Variants in PPP1R12C observed in about 807,000 individuals in gnomAD.
PPP1R12C encodes protein phosphatase 1 regulatory subunit 12C, also known as leukocyte receptor cluster (LRC) encoded novel gene 3.
A neutral mutation model predicts 95.6 loss-of-function variants in PPP1R12C; 48 were observed. That is an observed-to-expected ratio of 0.50 (90% CI 0.40 to 0.64). The LOEUF (loss-of-function observed/expected upper bound fraction) is 0.64. Among genes scored for constraint, PPP1R12C ranks in the 30% least tolerant of loss-of-function variants. The pLI is 0.00. For missense variants in PPP1R12C, 1,057 were observed against 1,083.3 expected (o/e 0.98, Z 0.34); for synonymous variants, 480 against 460.8 (o/e 1.04, Z -0.53).
intron 3 of PPP1R12C, among the ~76,000 whole-genome samples, chr19:55,106,208 C>T (rs2085036747): frequency 7.2e-6 from 1 of 138,818 alleles, no homozygotes; most frequent in Non-Finnish European, 1.5e-5. Flanking sequence ...AGTTTGCTGA[C>T]CCCTGCTTAG....
At chr19:55,096,236 A>C (rs2147184606) in intron 7 of PPP1R12C, 26 bp downstream of exon 7, 1 of 1,613,670 alleles carries the variant, frequency 6.2e-7, no homozygotes, top group African/African-American at 1.3e-5. Flanking sequence ...CCACCCCGCC[A>C]GCCCTGGACT....
intron 4 of PPP1R12C, among the ~76,000 whole-genome samples, chr19:55,099,561 G>A (rs2084959334): frequency 6.6e-6 from 1 of 152,212 alleles, no homozygotes; most frequent in Non-Finnish European, 1.5e-5. Flanking sequence ...CTGTCCCCCA[G>A]GGGAGACCCG....
Position 55,113,449 on chromosome 19 carries a change from G to A in PPP1R12C, c.322-654C>T, listed in dbSNP as rs534455039. On this transcript the variant is annotated intron_variant, in intron 1 of 21. Transcript: ENST00000263433. The stretch of plus-strand genomic sequence containing the variant: ...AGTTCACTGAGGCCCCCTCTGCACG[G>A]GGCCCTGCAGCCAGGGGCTGACACG... 4.7e-6 allele frequency: 7 copies of A among 1,489,682 alleles called. No homozygotes were observed. In the African/African-American group the frequency reaches 8.5e-5, roughly 18 times the overall value. The allele number at this position is 1,489,682 out of a possible 1,614,324, so 92.3% of individuals were successfully genotyped here. A position where few individuals can be genotyped will look rare whatever the true frequency, so the allele number is the denominator to read the frequency against.
chr19:55,113,346 T>G lies in PPP1R12C; in HGVS notation c.322-551A>C, dbSNP rs1000058284. On this transcript the variant is annotated intron_variant, in intron 1 of 21. Transcript: ENST00000263433. ...AAGGCCACCCTGTGCTGGGACAGAC[T>G]CAGGGGCCTGGGCGGGACTCCCAGA... The G allele has an allele frequency of 1.5e-5, 20 of 1,340,194 alleles. No individual in the cohort carries two copies. In the African/African-American group the frequency reaches 2.7e-4, roughly 18 times the overall value. 83.0% of individuals were successfully genotyped at this position (1,340,194 alleles called of 1,614,324 possible). A position where few individuals can be genotyped will look rare whatever the true frequency, so the allele number is the denominator to read the frequency against.
intron 3 of PPP1R12C, among the ~76,000 whole-genome samples, chr19:55,107,550 T>G (rs2085051373): frequency 6.6e-6 from 1 of 152,008 alleles, no homozygotes; most frequent in South Asian, 2.1e-4. Flanking sequence ...ATGTCCTTTG[T>G]AGGGACATGG....
Position 55,103,534 on chromosome 19 carries a change from C to T in PPP1R12C, c.606G>A (p.Glu202=), listed in dbSNP as rs1484295773. ...VDVEAAKRAE[E]ELLLHDTRCW... ...ACCTCGTGTCATGAAGGAGCAATTC[C>T]TCTTCTGCCCGCTTGGCTGCTTCCA... Residue 202 remains glutamate, a synonymous_variant, in exon 4 of 22, where the codon GAG becomes GAA. Coordinates refer to ENST00000263433, the MANE Select transcript of PPP1R12C (RefSeq NM_017607.4). The T allele has an allele frequency of 3.1e-6, 5 of 1,597,296 alleles. No individual in the cohort carries two copies. The highest frequency in any genetic ancestry group is 4.3e-6 in the Non-Finnish European group (5 of 1,168,352).
intron 4 of PPP1R12C, among the ~76,000 whole-genome samples, chr19:55,101,281 G>C (rs939353506): frequency 1.3e-5 from 2 of 152,136 alleles, no homozygotes; most frequent in Non-Finnish European, 2.9e-5. Flanking sequence ...GCAGTCAGTA[G>C]GTCTGAGTGT....
intron 1 of PPP1R12C, chr19:55,113,645 TA>T: frequency 8.1e-7 from 1 of 1,233,852 alleles, no homozygotes; most frequent in Non-Finnish European, 1.0e-6. Context: ...ATCCACGGGA[TA>T]AATTACCCCC....
intron 19 of PPP1R12C, 49 bp from the exon 20 acceptor site, chr19:55,091,958 G>T (rs749837037): frequency 6.2e-7 from 1 of 1,602,710 alleles, no homozygotes; most frequent in South Asian, 1.1e-5. Context: ...AGCCAGCACT[G>T]CTCTGAAGGG....
intron 3 of PPP1R12C, among the ~76,000 whole-genome samples, chr19:55,105,266 C>A (rs2085025722): frequency 6.6e-6 from 1 of 152,154 alleles, no homozygotes; most frequent in African/African-American, 2.4e-5. Context: ...CCTATTATAG[C>A]CGAATGGGTC....
Position 55,106,822 on chromosome 19 carries a change from CAT to C in PPP1R12C, c.572-3256_572-3255del, listed in dbSNP as rs373843256. On this transcript the variant is annotated intron_variant, in intron 3 of 21. Transcript: ENST00000263433. The stretch of plus-strand genomic sequence containing the variant: ...CCATAGCCTGGCTCCAGGGTGCGCA[CAT>C]CACCAGGCCTTCCTGTCACCTTTGC... Among the ~76,000 whole-genome samples the C allele has an allele frequency of 2.6e-4, 40 of 152,314 alleles. No individual in the cohort carries two copies. In the East Asian group the frequency reaches 6.4e-3, roughly 24 times the overall value.
intron 1 of PPP1R12C, chr19:55,113,072 G>A: frequency 1.8e-6 from 1 of 560,520 alleles, no homozygotes; most frequent in Non-Finnish European, 3.2e-6. Context: ...CTTCTCATCT[G>A]GGTGCGGGAA....
At chr19:55,095,792 G>T in intron 9 of PPP1R12C, 75 bp downstream of exon 9, 1 of 1,560,872 alleles carries the variant, frequency 6.4e-7, no homozygotes, top group African/African-American at 1.4e-5. Flanking sequence ...GCCCCTGCCA[G>T]AGGTTCACAG....
intron 11 of PPP1R12C, chr19:55,095,084 G>A: frequency 4.2e-6 from 3 of 706,752 alleles, no homozygotes; most frequent in Non-Finnish European, 7.1e-6. Context: ...GTGCACCTCG[G>A]GGTGGGGGGA....
At chr19:55,101,868 G>T (rs1235039117) in intron 4 of PPP1R12C, among the ~76,000 whole-genome samples, 2 of 152,084 alleles carry the variant, frequency 1.3e-5, no homozygotes, top group African/African-American at 4.8e-5. Context: ...CGGGTGCTAG[G>T]CCGAAGGGAC....
chr19:55,104,789 A>G (rs1177723137), intron 3 of PPP1R12C, among the ~76,000 whole-genome samples: 1 of 151,080 alleles, frequency 6.6e-6, no homozygotes, highest in Admixed American at 6.6e-5. Flanking sequence ...CCATATATAT[A>G]TATATATGGT....
In PPP1R12C at chr19:55,117,548, C is replaced by A. The variant is rs1314716029; in HGVS notation, c.-5G>T. On this transcript the variant is annotated 5_prime_UTR_variant, in exon 1 of 22. Transcript: ENST00000263433. ...CGGGCCATCCTCTCCGGACATCGCA[C>A]CGCCCGCCCGCCCAGCGAGCGAGCG... is the stretch of plus-strand genomic sequence containing the variant. The A allele has an allele frequency of 2.0e-6, 2 of 996,960 alleles. No individual in the cohort carries two copies. Among genetic ancestry groups the A allele is most frequent in the African/African-American group, 3.5e-5 (2 of 56,908 alleles). The allele number at this position is 996,960 out of a possible 1,614,324, so 61.8% of individuals were successfully genotyped here. A position where few individuals can be genotyped will look rare whatever the true frequency, so the allele number is the denominator to read the frequency against.
At chr19:55,110,096 G>T (rs539299242) in intron 3 of PPP1R12C, among the ~76,000 whole-genome samples, 3 of 152,108 alleles carry the variant, frequency 2.0e-5, no homozygotes, top group Admixed American at 6.5e-5. Flanking sequence ...AAAATACAAC[G>T]TCAGAAAGTT....
intron 3 of PPP1R12C, 109 bp from the exon 4 acceptor site, chr19:55,103,677 TC>T (rs1456163753): frequency 2.3e-5 from 23 of 1,000,724 alleles, no homozygotes; most frequent in Non-Finnish European, 3.0e-5. Flanking sequence ...CCAGAGCTCT[TC>T]CCCCTGCTCC....
Sources: allele counts gnomAD v4.1 joint callset (sites outside exome capture counted in the v4.1 genomes callset), GRCh38; gene constraint gnomAD v4.1.1; transcripts MANE v1.5; gene names NCBI Gene and HGNC (gene_info 2026-07-23, HGNC 2026-07-21).